The following TMEM132E variants were observed in gnomAD, a reference collection of about 807,000 sequenced individuals.
The protein encoded by TMEM132E is transmembrane protein 132E.
TMEM132E carries 49 observed loss-of-function variants against 78.5 expected under a neutral mutation model. That is an observed-to-expected ratio of 0.62 (90% CI 0.50 to 0.79). TMEM132E has a LOEUF of 0.79. TMEM132E is among the 30% of genes least tolerant of loss of function. The pLI is 0.00. For synonymous variants in TMEM132E, 715 were observed against 670.6 expected (o/e 1.07, Z -1.02); for missense variants, 1,403 against 1,470.9 (o/e 0.95, Z 0.75).
At chr17:34,631,674 C>A (rs760241071) in intron 5 of TMEM132E, among the ~76,000 whole-genome samples, 4 of 152,122 alleles carry the variant, frequency 2.6e-5, no homozygotes, top group Non-Finnish European at 5.9e-5. Context: ...GAGCTGGCAG[C>A]GTTTGGGATG....
At position 34,638,368 on chromosome 17, in the gene TMEM132E, C is replaced by CA; in HGVS notation, c.*136_*137insA. On this transcript the variant is annotated 3_prime_UTR_variant, in exon 9 of 9. Coordinates refer to ENST00000631683, the MANE Select transcript of TMEM132E (RefSeq NM_001304438.2). ...ACTCCCTGCCCCTGCAGCTTGGCTC[C>CA]GTGCGGAGCGGGCCGCCTCAGTGTC... 2 of 1,011,212 alleles carry CA rather than the reference C, an allele frequency of 2.0e-6. No individual in the cohort carries two copies. Among genetic ancestry groups the CA allele is most frequent in the Non-Finnish European group, 2.8e-6 (2 of 716,418 alleles). The allele number at this position is 1,011,212 out of a possible 1,614,324, so 62.6% of individuals were successfully genotyped here.
intron 7 of TMEM132E, 76 bp downstream of exon 7, chr17:34,635,163 T>C: frequency 1.4e-6 from 2 of 1,463,090 alleles, no homozygotes. Flanking sequence ...GAACTCAGAT[T>C]TTCCTAACCC....
chr17:34,631,591 C>T (rs772682012), intron 5 of TMEM132E, among the ~76,000 whole-genome samples: 3 of 152,232 alleles, frequency 2.0e-5, no homozygotes, highest in Non-Finnish European at 4.4e-5. Context: ...CTTTGCCTTC[C>T]GAGGTGGGAA....
chr17:34,607,141 CT>C (rs1476686618), intron 1 of TMEM132E, among the ~76,000 whole-genome samples: 2 of 152,242 alleles, frequency 1.3e-5, no homozygotes, highest in African/African-American at 4.8e-5. Flanking sequence ...TGAGAAATTA[CT>C]AACCCATTTT....
chr17:34,632,759 T>G lies in TMEM132E; in HGVS notation c.1538T>G (p.Met513Arg), dbSNP rs761917885. 1 of 1,614,190 alleles carries G rather than the reference T, an allele frequency of 6.2e-7. No individual in the cohort carries two copies. The highest frequency in any genetic ancestry group is 1.1e-5 in the South Asian group (1 of 91,084). ...FVSGKESRGSMNARVTFRYDV... is the reference protein window; with the variant it reads ...FVSGKESRGSRNARVTFRYDV... Reference sequence around the variant, plus strand: ...AGTGGAAAAGAGTCTCGAGGGTCCATGAACGCCAGGGTCACCTTCCGCTAC... The same window carrying G: ...AGTGGAAAAGAGTCTCGAGGGTCCAGGAACGCCAGGGTCACCTTCCGCTAC... The change falls in exon 6 of 9, where the codon ATG becomes AGG. Residue 513 changes from methionine (M) to arginine (R), a missense_variant. Transcript: ENST00000631683.
chr17:34,584,625 A>C (rs1039257931), intron 1 of TMEM132E, among the ~76,000 whole-genome samples: 1 of 152,196 alleles, frequency 6.6e-6, no homozygotes, highest in Non-Finnish European at 1.5e-5. Context: ...GCTCAGAAGA[A>C]ATGGATGGGG....
At chr17:34,631,953 G>A (rs1251997370) in intron 5 of TMEM132E, among the ~76,000 whole-genome samples, 1 of 152,200 alleles carries the variant, frequency 6.6e-6, no homozygotes, top group South Asian at 2.1e-4. Context: ...CTCTGTGAGT[G>A]GGCACAGGTA....
In TMEM132E at chr17:34,634,845, C is replaced by T. The variant is rs779146464; in HGVS notation, c.1735C>T (p.Arg579Trp). 3.8e-5 allele frequency: 62 copies of T among 1,613,806 alleles called. No homozygotes were observed. Among genetic ancestry groups the T allele is most frequent in the African/African-American group, 9.3e-5 (7 of 74,904 alleles). ...TGAGGATGAGGAGGAGGAGGAGCGG[C>T]GGCAGAGTGCAAGCCGTGGCTGCAC... ...EDEDEEEEER[R>W]QSASRGCTLQ... Residue 579 changes from arginine (R) to tryptophan (W), a missense_variant, in exon 7 of 9, where the codon CGG becomes TGG. This residue lies in a region of TMEM132E where 888 missense variants were observed against 952.8 expected (regional missense o/e 0.93). Transcript: ENST00000631683.
chr17:34,608,758 C>A (rs937353981), intron 1 of TMEM132E, among the ~76,000 whole-genome samples: 2 of 152,172 alleles, frequency 1.3e-5, no homozygotes, highest in African/African-American at 4.8e-5. Flanking sequence ...TTCGCAGAGA[C>A]AGGGGAGCAG....
intron 1 of TMEM132E, among the ~76,000 whole-genome samples, chr17:34,595,599 A>T (rs1906029663): frequency 6.6e-6 from 1 of 152,214 alleles, no homozygotes. Flanking sequence ...AAGGGCTGGC[A>T]GGGAGATTCA....
rs942829411 is a variant in TMEM132E, at chr17:34,638,575, G to C, written c.*343G>C. 7.4e-5 allele frequency: 18 copies of C among 242,112 alleles called. No homozygotes were observed. Among genetic ancestry groups the C allele is most frequent in the Non-Finnish European group, 1.4e-4 (18 of 126,104 alleles). The allele number at this position is 242,112 out of a possible 1,614,324, so 15.0% of individuals were successfully genotyped here. A position where few individuals can be genotyped will look rare whatever the true frequency, so the allele number is the denominator to read the frequency against. On this transcript the variant is annotated 3_prime_UTR_variant, in exon 9 of 9. Coordinates refer to ENST00000631683, the MANE Select transcript of TMEM132E (RefSeq NM_001304438.2). ...GGCAAGGAGGTCCAGCTTGGGGTCA[G>C]GTGGGCCCACGCTGTGTCCCGGGCC...
At chr17:34,588,765 G>A (rs534149712) in intron 1 of TMEM132E, among the ~76,000 whole-genome samples, 9 of 152,194 alleles carry the variant, frequency 5.9e-5, no homozygotes, top group South Asian at 4.2e-4. Context: ...TTTCTGAGAC[G>A]GAGTCTCACT....
intron 3 of TMEM132E, 145 bp from the exon 4 acceptor site, chr17:34,628,867 G>A (rs1401446709): frequency 2.9e-6 from 4 of 1,366,322 alleles, no homozygotes; most frequent in Admixed American, 2.7e-5. Flanking sequence ...TGGGGCTGGA[G>A]CACCTCAGAT....
chr17:34,609,925 C>T (rs1440081328), intron 1 of TMEM132E, among the ~76,000 whole-genome samples: 2 of 152,118 alleles, frequency 1.3e-5, no homozygotes, highest in Non-Finnish European at 2.9e-5. Context: ...CTTTGCTTTC[C>T]CTCTTCCATG....
At chr17:34,604,692 C>G (rs1906354321) in intron 1 of TMEM132E, among the ~76,000 whole-genome samples, 1 of 152,228 alleles carries the variant, frequency 6.6e-6, no homozygotes, top group Non-Finnish European at 1.5e-5. Flanking sequence ...CTGTGCCCCT[C>G]CTGGCACACA....
chr17:34,589,987 C>T (rs1597675551), intron 1 of TMEM132E, among the ~76,000 whole-genome samples: 1 of 152,210 alleles, frequency 6.6e-6, no homozygotes, highest in African/African-American at 2.4e-5. Context: ...AGGATAAAAA[C>T]TGCCATCAGC....
At chr17:34,607,366 G>T (rs549109581) in intron 1 of TMEM132E, among the ~76,000 whole-genome samples, 1 of 152,152 alleles carries the variant, frequency 6.6e-6, no homozygotes, top group South Asian at 2.1e-4. Flanking sequence ...GGGGAACCAG[G>T]GTTGACTTGG....
chr17:34,599,725 A>G (rs1030191660), intron 1 of TMEM132E, among the ~76,000 whole-genome samples: 5 of 152,026 alleles, frequency 3.3e-5, no homozygotes, highest in African/African-American at 1.2e-4. Flanking sequence ...TTCTGAATTC[A>G]CTAATCTGGG....
intron 1 of TMEM132E, among the ~76,000 whole-genome samples, chr17:34,595,644 G>T (rs1446528795): frequency 6.6e-6 from 1 of 152,242 alleles, no homozygotes; most frequent in Non-Finnish European, 1.5e-5. Context: ...CTGTTTTAAA[G>T]ATGGGAAAAC....
Sources: allele counts gnomAD v4.1 joint callset (sites outside exome capture counted in the v4.1 genomes callset), GRCh38; gene constraint gnomAD v4.1.1; regional missense constraint gnomAD v4.1.1; transcripts MANE v1.5; gene names NCBI Gene and HGNC (gene_info 2026-07-23, HGNC 2026-07-21).